NPEPL1: variants seen among roughly 807,000 people sequenced by gnomAD.
The protein encoded by NPEPL1 is aminopeptidase like 1.
In NPEPL1, 45 loss-of-function variants were observed where a neutral mutation model predicts 52.4. That is an observed-to-expected ratio of 0.86 (90% CI 0.68 to 1.10). The LOEUF (loss-of-function observed/expected upper bound fraction) is 1.10, where lower values mean the gene tolerates loss of function less well. NPEPL1 is among the 50% of genes least tolerant of loss of function. The pLI is 0.00. For missense variants in NPEPL1, 696 were observed against 710.9 expected (o/e 0.98, Z 0.24); for synonymous variants, 360 against 314.7 (o/e 1.14, Z -1.52).
chr20:58,697,042 C>T (rs2084507957), intron 3 of NPEPL1, among the ~76,000 whole-genome samples: 1 of 152,264 alleles, frequency 6.6e-6, no homozygotes, highest in Non-Finnish European at 1.5e-5. Context: ...GTCCCCTCTG[C>T]ATCCTGTGGC....
chr20:58,699,052 T>G, intron 4 of NPEPL1, 145 bp from the exon 5 acceptor site: 2 of 767,336 alleles, frequency 2.6e-6, no homozygotes, highest in South Asian at 3.1e-5. Context: ...CTTCTGGGTT[T>G]CATCACACGC....
At position 58,713,726 on chromosome 20, in the gene NPEPL1, A is replaced by ATT. The variant is rs2084901983; in HGVS notation, c.1125+184_1125+185insTT. On this transcript the variant is annotated intron_variant, in intron 9 of 11. Coordinates refer to ENST00000356091, the MANE Select transcript of NPEPL1 (RefSeq NM_024663.4). The surrounding 1 kb of genome is among the most constrained non-coding windows in gnomAD (Gnocchi z 4.6). ...TGGGCAGTACCGAGGCCCAGGCTGG[A>ATT]TGCAGAGCCGGGAACCGCCTCCTGT... 1 of 1,084,960 alleles carries ATT rather than the reference A, an allele frequency of 9.2e-7. No homozygotes were observed. Among genetic ancestry groups the ATT allele is most frequent in the African/African-American group, 1.6e-5 (1 of 62,848 alleles). 67.2% of individuals were successfully genotyped at this position (1,084,960 alleles called of 1,614,324 possible). A position where few individuals can be genotyped will look rare whatever the true frequency, so the allele number is the denominator to read the frequency against.
chr20:58,692,802 G>A lies in NPEPL1; in HGVS notation c.-99G>A. On this transcript the variant is annotated 5_prime_UTR_variant, in exon 1 of 12. Transcript: ENST00000356091. This position sits in a 1 kb window ranked among gnomAD's most constrained non-coding sequence, Gnocchi z 5.7. The stretch of plus-strand genomic sequence containing the variant: ...GCGGGGCCCGCGGGCTGCCGGGCAG[G>A]GCCGGGGCGGTGCCGAGGCCGGGCC... The A allele has an allele frequency of 3.1e-6, 3 of 974,474 alleles. No homozygotes were observed. The highest frequency in any genetic ancestry group is 3.6e-6 in the Non-Finnish European group (3 of 822,486). The allele number at this position is 974,474 out of a possible 1,614,324, so 60.4% of individuals were successfully genotyped here. A position where few individuals can be genotyped will look rare whatever the true frequency, so the allele number is the denominator to read the frequency against.
rs751719832 is a variant in NPEPL1, at chr20:58,694,513, G to C, written c.428G>C (p.Arg143Pro). 2.5e-6 allele frequency: 4 copies of C among 1,614,018 alleles called. No homozygotes were observed. Among genetic ancestry groups the C allele is most frequent in the Non-Finnish European group, 3.4e-6 (4 of 1,179,886 alleles). Reference sequence around the variant, plus strand: ...ACCCACCGCTCAGGTGCCTCTCGGCGCTTGGAGAAGAAGACGGTCACCGTG... The same window carrying C: ...ACCCACCGCTCAGGTGCCTCTCGGCCCTTGGAGAAGAAGACGGTCACCGTG... Reference protein sequence around the residue: ...LFTHRSGASRRLEKKTVTVEF... With the variant: ...LFTHRSGASRPLEKKTVTVEF... The change falls in exon 3 of 12, where the codon CGC becomes CCC. Residue 143 changes from arginine (R) to proline (P), a missense_variant. Coordinates refer to ENST00000356091, the MANE Select transcript of NPEPL1 (RefSeq NM_024663.4).
At chr20:58,705,626 T>C in intron 6 of NPEPL1, 1 of 440,296 alleles carries the variant, frequency 2.3e-6, no homozygotes, top group Non-Finnish European at 4.6e-6. Context: ...GCGAAAATGG[T>C]TTCTTCTATA....
chr20:58,708,540 C>T (rs1003706997), intron 7 of NPEPL1, among the ~76,000 whole-genome samples: 22 of 151,834 alleles, frequency 1.4e-4, no homozygotes, highest in Admixed American at 1.4e-3. Context: ...GAGCACCTGC[C>T]GTGGCCCGTC....
At chr20:58,699,024 G>A (rs558696635) in intron 4 of NPEPL1, among the ~76,000 whole-genome samples, 173 bp from the exon 5 acceptor site, 2 of 152,374 alleles carry the variant, frequency 1.3e-5, no homozygotes, top group Admixed American at 1.3e-4. Flanking sequence ...ATGAGAGTGT[G>A]TGGAGGGTGA....
chr20:58,714,371 C>T (rs2084914924), intron 10 of NPEPL1, 189 bp from the exon 11 acceptor site: 1 of 602,634 alleles, frequency 1.7e-6, no homozygotes, highest in Non-Finnish European at 2.9e-6. Context: ...CCCCCTTGGC[C>T]TATGGTGGGG....
intron 6 of NPEPL1, chr20:58,704,101 A>G: frequency 4.1e-6 from 4 of 985,386 alleles, no homozygotes; most frequent in South Asian, 4.7e-5. Context: ...GGCTCCAGCC[A>G]TTGATGCAAA....
chr20:58,693,862 C>A lies in NPEPL1; in HGVS notation c.276C>A (p.Ala92=), dbSNP rs975428511. Reference sequence around the variant, plus strand: ...GCCGGCACAACAGCCCCTCGGCCGCCCACTTCATCACGCGGCTGGTGCGGA... The same window carrying A: ...GCCGGCACAACAGCCCCTCGGCCGCACACTTCATCACGCGGCTGGTGCGGA... ...RVSRHNSPSA[A]HFITRLVRTC... Residue 92 remains alanine (A), a synonymous_variant, in exon 2 of 12, where the codon GCC becomes GCA. Transcript: ENST00000356091. The A allele has an allele frequency of 6.2e-7, 1 of 1,613,582 alleles. No homozygotes were observed. Among genetic ancestry groups the A allele is most frequent in the Non-Finnish European group, 8.5e-7 (1 of 1,179,752 alleles).
Position 58,715,272 on chromosome 20 carries a change from G to A in NPEPL1, c.1518G>A (p.Val506=). 1.2e-6 allele frequency: 2 copies of A among 1,611,360 alleles called. No homozygotes were observed. Among genetic ancestry groups the A allele is most frequent in the Non-Finnish European group, 1.7e-6 (2 of 1,179,288 alleles). The change falls in exon 12 of 12, where the codon GTG becomes GTA. Residue 506 remains valine (V), a synonymous_variant. Coordinates refer to ENST00000356091, the MANE Select transcript of NPEPL1 (RefSeq NM_024663.4). The part of the protein sequence containing the change: ...LNLVSPLGCE[V]DVEEGDLGRD... The stretch of plus-strand genomic sequence containing the variant: ...TGGTGTCCCCACTGGGCTGTGAGGT[G>A]GATGTCGAGGAGGGGGACCTGGGGA...
At chr20:58,692,554 T>C (rs953113108), upstream of NPEPL1, 1 of 151,414 alleles carries the variant, frequency 6.6e-6, no homozygotes, top group African/African-American at 2.4e-5. The surrounding 1 kb of genome is among the most constrained non-coding windows in gnomAD (Gnocchi z 5.7). Flanking sequence ...AGGCGCTGCC[T>C]GGCGGGCCAC....
intron 5 of NPEPL1, among the ~76,000 whole-genome samples, chr20:58,699,634 G>T (rs117393743): frequency 0.029 from 4,383 of 152,260 alleles, 93 homozygotes; most frequent in Middle Eastern, 0.058. Context: ...CGGCAGGCAG[G>T]GCCTGTGTGC....
intron 7 of NPEPL1, among the ~76,000 whole-genome samples, chr20:58,707,565 CCTT>C (rs1314759406): frequency 6.6e-6 from 1 of 152,236 alleles, no homozygotes; most frequent in Non-Finnish European, 1.5e-5. Context: ...CTCCCGCAAC[CCTT>C]CTTTGCAGCA....
In NPEPL1 at chr20:58,699,237, C is replaced by T. The variant is rs748191336; in HGVS notation, c.638C>T (p.Thr213Ile). 9.3e-6 allele frequency: 15 copies of T among 1,606,470 alleles called. No homozygotes were observed. The highest frequency in any genetic ancestry group is 1.3e-5 in the Non-Finnish European group (15 of 1,176,610). The change falls in exon 5 of 12, where the codon ACC becomes ATC. Residue 213 changes from threonine to isoleucine, a missense_variant. By Grantham distance (89) the Thr-to-Ile change is moderately conservative. Coordinates refer to ENST00000356091, the MANE Select transcript of NPEPL1 (RefSeq NM_024663.4). Reference sequence around the variant, plus strand: ...GGAAAGGAGCTGGGGATCATCCCAACCATCATCCGGGATGAGGAACTGAAG... The same window carrying T: ...GGAAAGGAGCTGGGGATCATCCCAATCATCATCCGGGATGAGGAACTGAAG... Reference protein sequence around the residue: ...KVGKELGIIPTIIRDEELKTR... With the variant: ...KVGKELGIIPIIIRDEELKTR...
chr20:58,692,774 G>C, upstream of NPEPL1: 1 of 964,700 alleles, frequency 1.0e-6, no homozygotes, highest in Non-Finnish European at 1.2e-6. The surrounding 1 kb of genome is among the most constrained non-coding windows in gnomAD (Gnocchi z 5.7). Context: ...AGCGGCGGGG[G>C]AGGCGGGGCC....
upstream of NPEPL1, chr20:58,692,335 GGACCT>G: frequency 6.4e-6 from 1 of 155,916 alleles, no homozygotes; most frequent in East Asian, 1.9e-4. This position sits in a 1 kb window ranked among gnomAD's most constrained non-coding sequence, Gnocchi z 5.7. Flanking sequence ...TGGGACAAAA[GGACCT>G]GACTCAGGTC....
intron 6 of NPEPL1, chr20:58,705,565 G>A (rs1317453494): frequency 4.4e-6 from 2 of 456,074 alleles, no homozygotes; most frequent in Non-Finnish European, 8.8e-6. Context: ...TCCAGCACAG[G>A]GGGTGTAAGT....
chr20:58,691,697 T>A, upstream of NPEPL1: 1 of 177,766 alleles, frequency 5.6e-6, no homozygotes, highest in Non-Finnish European at 8.9e-6. Context: ...TCTTTTCTTT[T>A]TTTTTTTTTT....
Sources: allele counts gnomAD v4.1 joint callset (sites outside exome capture counted in the v4.1 genomes callset), GRCh38; gene constraint gnomAD v4.1.1; non-coding constraint Gnocchi (gnomAD v3.1); transcripts MANE v1.5; gene names NCBI Gene and HGNC (gene_info 2026-07-23, HGNC 2026-07-21).